The following PRORP variants were observed in gnomAD, a reference collection of about 807,000 sequenced individuals.
The protein encoded by PRORP is protein only RNase P catalytic subunit, also known as mitochondrial ribonuclease P catalytic subunit.
Under a neutral mutation model 59.4 loss-of-function variants are expected in PRORP, and 51 were observed. That is an observed-to-expected ratio of 0.86 (90% confidence interval 0.69 to 1.08). The LOEUF is 1.08. Ranked by LOEUF, PRORP falls within the 50% of genes least tolerant of loss-of-function variation. The pLI, the probability that PRORP is intolerant of heterozygous loss-of-function variation, is 0.00. For missense variants in PRORP, 646 were observed against 690.3 expected (o/e 0.94, Z 0.72); for synonymous variants, 231 against 245.6 (o/e 0.94, Z 0.55).
In PRORP at chr14:35,276,736, T is replaced by G. The variant is rs1056350466; in HGVS notation, c.*3170T>G. On this transcript the variant is annotated 3_prime_UTR_variant, in exon 8 of 8. Coordinates refer to ENST00000534898, the MANE Select transcript of PRORP (RefSeq NM_014672.4). Reference sequence around the variant, plus strand: ...TTGTTAGTATCTTTAAAATCAGTTGTGAACAATGAAGGATTTGAAAGAGCA... The same window carrying G: ...TTGTTAGTATCTTTAAAATCAGTTGGGAACAATGAAGGATTTGAAAGAGCA... 6.6e-5 allele frequency: 10 copies of G among 152,184 alleles called. No individual in the cohort carries two copies. Among genetic ancestry groups the G allele is most frequent in the African/African-American group, 2.4e-4 (10 of 41,448 alleles). The allele number at this position is 152,184 out of a possible 1,614,324, so 9.4% of individuals were successfully genotyped here. A position where few individuals can be genotyped will look rare whatever the true frequency, so the allele number is the denominator to read the frequency against.
chr14:35,192,858 G>A (rs2048916777), intron 5 of PRORP, among the ~76,000 whole-genome samples: 1 of 151,982 alleles, frequency 6.6e-6, no homozygotes, highest in South Asian at 2.1e-4. Flanking sequence ...GCCAGGCATG[G>A]TGGCGCGTGC....
intron 4 of PRORP, among the ~76,000 whole-genome samples, chr14:35,175,374 TCTTA>T (rs1016384537): frequency 3.8e-4 from 58 of 152,012 alleles, no homozygotes; most frequent in Admixed American, 3.0e-3. Context: ...GTAAAAGTGT[TCTTA>T]CTTCTCCACA....
chr14:35,171,667 T>C (rs968187057), intron 4 of PRORP, among the ~76,000 whole-genome samples: 1 of 152,208 alleles, frequency 6.6e-6, no homozygotes, highest in African/African-American at 2.4e-5. Flanking sequence ...TTGAGTTTGC[T>C]CTGCTTCTTG....
chr14:35,250,568 T>C (rs2050590091), intron 5 of PRORP, among the ~76,000 whole-genome samples: 1 of 152,152 alleles, frequency 6.6e-6, no homozygotes, highest in Non-Finnish European at 1.5e-5. Flanking sequence ...TGAGGTCTGC[T>C]CCTAACTAAG....
chr14:35,261,722 C>T (rs1405709696), intron 5 of PRORP, among the ~76,000 whole-genome samples: 1 of 151,810 alleles, frequency 6.6e-6, no homozygotes. Flanking sequence ...GAGCGAGACT[C>T]TGTCTCAAAA....
chr14:35,262,969 A>G, intron 5 of PRORP: 1 of 1,598,916 alleles, frequency 6.3e-7, no homozygotes, highest in Middle Eastern at 2.3e-4. Flanking sequence ...AAAAACAAGG[A>G]TATCAGGAAA....
At chr14:35,235,580 CT>C in intron 5 of PRORP, 1 of 517,870 alleles carries the variant, frequency 1.9e-6, no homozygotes. Flanking sequence ...GACAGGTGGT[CT>C]TTTAGTGGGG....
Position 35,215,603 on chromosome 14 carries a change from A to T in PRORP, c.1275+34826A>T, listed in dbSNP as rs115147513. On this transcript the variant is annotated intron_variant, in intron 5 of 7. Transcript: ENST00000534898. ...CGTGACTCAAAAAAAAAAATTAAAA[A>T]TTATCTGGGAATGGTGGCGTCTGCC... Among the ~76,000 whole-genome samples, 1,081 of 152,182 alleles carry T rather than the reference A, an allele frequency of 7.1e-3. 19 individuals carry two copies. Among genetic ancestry groups the T allele is most frequent in the African/African-American group, 0.025 (1,033 of 41,518 alleles).
chr14:35,255,415 C>A (rs1015070576), intron 5 of PRORP, among the ~76,000 whole-genome samples: 1 of 152,194 alleles, frequency 6.6e-6, no homozygotes, highest in African/African-American at 2.4e-5. Flanking sequence ...CAGGCATGAG[C>A]CACCACACCC....
At chr14:35,254,525 T>C (rs2050698864) in intron 5 of PRORP, among the ~76,000 whole-genome samples, 1 of 152,206 alleles carries the variant, frequency 6.6e-6, no homozygotes. Context: ...CCTGAGTAGC[T>C]GGGATTACAG....
chr14:35,145,835 T>TTTA (rs1161295034), intron 4 of PRORP, among the ~76,000 whole-genome samples: 7,432 of 133,148 alleles, frequency 0.056, 938 homozygotes, highest in East Asian at 0.12. Flanking sequence ...TTATTTATTT[T>TTTA]TTTATTTTTT....
chr14:35,241,656 A>G (rs1391184954), intron 5 of PRORP, among the ~76,000 whole-genome samples: 2 of 152,152 alleles, frequency 1.3e-5, no homozygotes, highest in Non-Finnish European at 2.9e-5. Context: ...GAGGCTTCTC[A>G]TCACAAAACC....
intron 4 of PRORP, among the ~76,000 whole-genome samples, chr14:35,162,774 T>C (rs973382866): frequency 2.0e-5 from 3 of 152,136 alleles, no homozygotes; most frequent in Admixed American, 1.3e-4. Context: ...TTTGTTGTTT[T>C]TCTCTAAATT....
intron 5 of PRORP, among the ~76,000 whole-genome samples, chr14:35,182,739 T>A (rs10143690): frequency 0.4 from 61,328 of 152,094 alleles, 12,860 homozygotes; most frequent in East Asian, 0.69. Flanking sequence ...TCTTCCAGAT[T>A]GGTAAATCTT....
chr14:35,138,106 G>A (rs1034655741), intron 4 of PRORP, among the ~76,000 whole-genome samples: 4 of 145,532 alleles, frequency 2.7e-5, no homozygotes, highest in Non-Finnish European at 6.1e-5. Flanking sequence ...TCTCTCTTTG[G>A]CTTGCCGATG....
At chr14:35,257,682 G>T (rs527650337) in intron 5 of PRORP, among the ~76,000 whole-genome samples, 107 of 152,190 alleles carry the variant, frequency 7.0e-4, no homozygotes, top group African/African-American at 2.5e-3. Flanking sequence ...TATAAATGAG[G>T]TATATTGATG....
chr14:35,180,183 G>T (rs983328003), intron 4 of PRORP, among the ~76,000 whole-genome samples: 3 of 152,200 alleles, frequency 2.0e-5, no homozygotes, highest in Admixed American at 6.5e-5. Context: ...TGAGGAGGCA[G>T]TCTGTCCATT....
intron 4 of PRORP, among the ~76,000 whole-genome samples, chr14:35,174,917 G>C (rs2048409872): frequency 8.6e-6 from 1 of 116,082 alleles, no homozygotes; most frequent in East Asian, 2.5e-4. Context: ...GACAAGCCCT[G>C]ATGTGTGATG....
chr14:35,232,284 C>T (rs540973951), intron 5 of PRORP, among the ~76,000 whole-genome samples: 1 of 151,474 alleles, frequency 6.6e-6, no homozygotes, highest in African/African-American at 2.4e-5. Flanking sequence ...TAGCTTACTG[C>T]AGCCTCAGAC....
Sources: gnomAD v4.1 joint callset for allele counts (sites outside exome capture counted in the v4.1 genomes callset) on GRCh38, gnomAD v4.1.1 for gene constraint, MANE v1.5 for transcripts, NCBI Gene and HGNC (gene_info 2026-07-23, HGNC 2026-07-21) for gene names.